The following MGMT variants were observed in gnomAD, a reference collection of about 807,000 sequenced individuals.
MGMT encodes the protein O-6-methylguanine-DNA methyltransferase, also known as methylated-DNA--protein-cysteine methyltransferase.
In MGMT, 14 loss-of-function variants were observed where a neutral mutation model predicts 15.9. The observed-to-expected ratio is 0.88, with a 90% CI of 0.58 to 1.37. The LOEUF (loss-of-function observed/expected upper bound fraction) is 1.37, where lower values mean the gene tolerates loss of function less well. MGMT is among the 40% of genes most tolerant of loss of function. The pLI, the probability that MGMT is intolerant of heterozygous loss-of-function variation, is 0.00. For missense variants in MGMT, 282 were observed against 268.1 expected (o/e 1.05, Z -0.36); for synonymous variants, 130 against 118.2 (o/e 1.10, Z -0.65).
intron 4 of MGMT, among the ~76,000 whole-genome samples, chr10:129,764,103 AAGG>A (rs1447454417): frequency 1.8e-4 from 28 of 152,198 alleles, no homozygotes; most frequent in Non-Finnish European, 3.5e-4. Flanking sequence ...AGTCCACGTC[AAGG>A]AGGAGAAGTG....
chr10:129,471,203 A>G (rs538233443), intron 1 of MGMT, among the ~76,000 whole-genome samples: 1 of 152,220 alleles, frequency 6.6e-6, no homozygotes, highest in Non-Finnish European at 1.5e-5. Context: ...CTGCAAGCAC[A>G]GCGCGGGTGG....
chr10:129,621,895 T>C (rs919947950), intron 2 of MGMT, among the ~76,000 whole-genome samples: 3 of 152,218 alleles, frequency 2.0e-5, no homozygotes, highest in Non-Finnish European at 4.4e-5. Context: ...ATCTAACTCT[T>C]AGAATTTGTT....
In MGMT at chr10:129,679,142, A is replaced by G. The variant is rs546999312; in HGVS notation, c.126-28753A>G. ...GTTAGTCATAGGATTACAAGATTTT[A>G]TTCTAAGCTCTTACAAGCAAGCAGT... On this transcript the variant is annotated intron_variant, in intron 2 of 4. Transcript: ENST00000651593. 2.2e-4 allele frequency among the ~76,000 whole-genome samples: 34 copies of G among 152,056 alleles called. 1 individual carries two copies. Among genetic ancestry groups the G allele is most frequent in the Middle Eastern group, 3.4e-3 (1 of 294 alleles).
At chr10:129,657,228 G>A (rs1847534219) in intron 2 of MGMT, among the ~76,000 whole-genome samples, 1 of 152,128 alleles carries the variant, frequency 6.6e-6, no homozygotes, top group African/African-American at 2.4e-5. Context: ...CTGGTTTTAA[G>A]TGCTTCGAAT....
intron 2 of MGMT, among the ~76,000 whole-genome samples, chr10:129,602,846 A>G (rs1418581641): frequency 4.6e-5 from 7 of 152,072 alleles, no homozygotes; most frequent in Admixed American, 4.6e-4. Context: ...AATGTCACAT[A>G]CTGCTTCGGG....
At chr10:129,722,780 C>T (rs1211366514) in intron 3 of MGMT, among the ~76,000 whole-genome samples, 2 of 151,988 alleles carry the variant, frequency 1.3e-5, no homozygotes, top group African/African-American at 2.4e-5. Context: ...CCATGGCAGG[C>T]GGATCACTTG....
intron 2 of MGMT, among the ~76,000 whole-genome samples, chr10:129,558,558 A>G (rs1393579818): frequency 6.6e-6 from 1 of 152,150 alleles, no homozygotes; most frequent in African/African-American, 2.4e-5. Flanking sequence ...GTTTTCACCA[A>G]GTTAGCAAAT....
chr10:129,489,614 CTCTG>C (rs1033207260), intron 1 of MGMT, among the ~76,000 whole-genome samples: 2 of 151,844 alleles, frequency 1.3e-5, no homozygotes, highest in African/African-American at 4.9e-5. Flanking sequence ...CTCTTGCACT[CTCTG>C]TCTCTCTTGG....
At position 129,598,368 on chromosome 10, in the gene MGMT, T is replaced by C. The variant is rs576131027; in HGVS notation, c.125+61991T>C. Among the ~76,000 whole-genome samples, 9 of 152,272 alleles carry C rather than the reference T, an allele frequency of 5.9e-5. No individual in the cohort carries two copies. In the South Asian group the frequency reaches 1.7e-3, roughly 28 times the overall value. ...TTCCATCTGTATAAGGGGATGATAG[T>C]GCCAATCTCTTAGCGTAGGTGACAG... On this transcript the variant is annotated intron_variant, in intron 2 of 4. Coordinates refer to ENST00000651593, the MANE Select transcript of MGMT (RefSeq NM_002412.5).
At chr10:129,489,471 C>T (rs796183991) in intron 1 of MGMT, among the ~76,000 whole-genome samples, 7 of 151,456 alleles carry the variant, frequency 4.6e-5, no homozygotes, top group South Asian at 2.1e-4. Context: ...CTCATCCATT[C>T]GCATTTCACA....
chr10:129,608,287 C>G (rs1846916887), intron 2 of MGMT, among the ~76,000 whole-genome samples: 1 of 152,166 alleles, frequency 6.6e-6, no homozygotes, highest in African/African-American at 2.4e-5. Flanking sequence ...GGAAATAGTC[C>G]CTACACAGAG....
intron 1 of MGMT, among the ~76,000 whole-genome samples, chr10:129,515,982 C>T (rs1374468054): frequency 6.6e-6 from 1 of 152,184 alleles, no homozygotes; most frequent in East Asian, 1.9e-4. Flanking sequence ...GGAACAGGAT[C>T]TAAACGCAGT....
chr10:129,617,097 C>T (rs1293337600), intron 2 of MGMT, among the ~76,000 whole-genome samples: 1 of 151,900 alleles, frequency 6.6e-6, no homozygotes, highest in Non-Finnish European at 1.5e-5. Context: ...AGCATAGTAC[C>T]CAATAGGTAG....
At chr10:129,603,191 G>T (rs760759828) in intron 2 of MGMT, among the ~76,000 whole-genome samples, 16 of 152,160 alleles carry the variant, frequency 1.1e-4, no homozygotes, top group Non-Finnish European at 2.4e-4. Flanking sequence ...ATAGGGCAAG[G>T]ATCTGGCTTT....
intron 2 of MGMT, among the ~76,000 whole-genome samples, chr10:129,590,825 C>G (rs1470570386): frequency 6.6e-6 from 1 of 152,176 alleles, no homozygotes; most frequent in Non-Finnish European, 1.5e-5. Context: ...GAGGGGGACC[C>G]CTCGTGAGGA....
At chr10:129,670,116 G>A (rs1169584259) in intron 2 of MGMT, among the ~76,000 whole-genome samples, 1 of 146,986 alleles carries the variant, frequency 6.8e-6, no homozygotes, top group Non-Finnish European at 1.5e-5. Context: ...TTAGGTCCGT[G>A]AGCATCAATG....
At chr10:129,571,427 G>A (rs1336478262) in intron 2 of MGMT, among the ~76,000 whole-genome samples, 1 of 152,218 alleles carries the variant, frequency 6.6e-6, no homozygotes, top group Non-Finnish European at 1.5e-5. Context: ...CAGAGCTTGG[G>A]TGTTTTATGA....
chr10:129,467,441 G>T, intron 1 of MGMT, 145 bp downstream of exon 1: 1 of 1,372,912 alleles, frequency 7.3e-7, no homozygotes, highest in East Asian at 3.0e-5. Context: ...GCGAGCTCCA[G>T]GTGCGCCCCA....
At chr10:129,716,225 A>G (rs971137447) in intron 3 of MGMT, among the ~76,000 whole-genome samples, 1 of 152,190 alleles carries the variant, frequency 6.6e-6, no homozygotes, top group Admixed American at 6.5e-5. Flanking sequence ...CCTTCCAAAG[A>G]TTCAGGTTAG....
Sources: allele counts gnomAD v4.1 joint callset (sites outside exome capture counted in the v4.1 genomes callset), GRCh38; gene constraint gnomAD v4.1.1; transcripts MANE v1.5; gene names NCBI Gene and HGNC (gene_info 2026-07-23, HGNC 2026-07-21).